PTPRE: variants seen among roughly 807,000 people sequenced by gnomAD.
The protein encoded by PTPRE is receptor-type tyrosine-protein phosphatase epsilon.
Under a neutral mutation model 102.0 loss-of-function variants are expected in PTPRE, and 51 were observed. The observed-to-expected ratio is 0.50, with a 90% CI of 0.40 to 0.63. The LOEUF (loss-of-function observed/expected upper bound fraction) is 0.63. Ranked by LOEUF, PTPRE falls within the 30% of genes least tolerant of loss-of-function variation. The probability of loss-of-function intolerance (pLI) is 0.00; values close to 1 mark genes in which losing one functional copy is unlikely to be tolerated. For missense variants in PTPRE, 752 were observed against 915.1 expected, an observed-to-expected ratio of 0.82 and a Z score of 2.30; for synonymous variants, 345 against 348.2, an observed-to-expected ratio of 0.99 and a Z score of 0.10.
At chr10:128,060,081 T>TACAC (rs59000055) in intron 7 of PTPRE, among the ~76,000 whole-genome samples, 21 of 146,082 alleles carry the variant, frequency 1.4e-4, no homozygotes, top group African/African-American at 3.8e-4. Flanking sequence ...TACCACACAC[T>TACAC]ACACACACAC....
chr10:127,911,250 T>C (rs959521276), intron 1 of PTPRE, among the ~76,000 whole-genome samples: 2 of 152,216 alleles, frequency 1.3e-5, no homozygotes, highest in Non-Finnish European at 1.5e-5. Flanking sequence ...TATGTAAATT[T>C]TGCGTGATTA....
chr10:128,026,240 T>C (rs1001568459), intron 2 of PTPRE, among the ~76,000 whole-genome samples: 6 of 152,248 alleles, frequency 3.9e-5, no homozygotes, highest in Non-Finnish European at 7.3e-5. Context: ...TCACCATCTC[T>C]GACCTCCCTG....
intron 10 of PTPRE, among the ~76,000 whole-genome samples, chr10:128,065,102 ACCCACAGC>A (rs953508186): frequency 1.3e-5 from 2 of 151,240 alleles, no homozygotes; most frequent in Non-Finnish European, 2.9e-5. Flanking sequence ...ATGGCCTGTG[ACCCACAGC>A]CCCGCAGCCC....
At chr10:127,976,107 A>T (rs1019548878) in intron 1 of PTPRE, among the ~76,000 whole-genome samples, 1 of 151,904 alleles carries the variant, frequency 6.6e-6, no homozygotes, top group African/African-American at 2.4e-5. Flanking sequence ...CAAACACTAG[A>T]TCCCCTGCCA....
intron 2 of PTPRE, among the ~76,000 whole-genome samples, chr10:128,037,696 C>A (rs1847329947): frequency 6.6e-6 from 1 of 152,230 alleles, no homozygotes. Flanking sequence ...AAATAAACTC[C>A]TTTTCTCATC....
Position 127,997,538 on chromosome 10 carries a change from T to C in PTPRE, c.-8+15242T>C, listed in dbSNP as rs1173087369. Among the ~76,000 whole-genome samples the C allele has an allele frequency of 3.9e-5, 6 of 152,346 alleles. No individual in the cohort carries two copies. In the East Asian group the frequency reaches 9.6e-4, roughly 24 times the overall value. On this transcript the variant is annotated intron_variant, in intron 2 of 20. Coordinates refer to ENST00000254667, the MANE Select transcript of PTPRE (RefSeq NM_006504.6). ...CTGAAAAGCAGAATCCTAACATTCA[T>C]GTATATTTTAAAGCCAGAGTTCACA...
intron 2 of PTPRE, among the ~76,000 whole-genome samples, chr10:128,000,936 C>T (rs186340227): frequency 1.3e-5 from 2 of 152,162 alleles, no homozygotes; most frequent in Non-Finnish European, 1.5e-5. Flanking sequence ...ACTCCAGGGC[C>T]GTGCTCTCTC....
chr10:128,082,554 T>C (rs1398742020), intron 20 of PTPRE, among the ~76,000 whole-genome samples: 1 of 151,960 alleles, frequency 6.6e-6, no homozygotes, highest in African/African-American at 2.4e-5. Flanking sequence ...AAAATAGTTG[T>C]TTTCCAGTTT....
intron 1 of PTPRE, among the ~76,000 whole-genome samples, chr10:127,977,910 G>A (rs901424542): frequency 3.9e-5 from 6 of 152,188 alleles, no homozygotes; most frequent in African/African-American, 1.2e-4. Flanking sequence ...CAGAGTGGCT[G>A]CAGCTGTGAG....
intron 1 of PTPRE, among the ~76,000 whole-genome samples, chr10:127,937,539 A>G: frequency 6.6e-6 from 1 of 151,960 alleles, no homozygotes; most frequent in Non-Finnish European, 1.5e-5. Flanking sequence ...GAAAAGGGGG[A>G]ATTTTTTTGC....
At chr10:127,916,265 T>C (rs1405614376) in intron 1 of PTPRE, among the ~76,000 whole-genome samples, 1 of 152,102 alleles carries the variant, frequency 6.6e-6, no homozygotes, top group East Asian at 1.9e-4. Context: ...ATGAGGGTGG[T>C]TTCCCCCATG....
intron 1 of PTPRE, among the ~76,000 whole-genome samples, chr10:127,953,888 C>T (rs1849216246): frequency 6.6e-6 from 1 of 152,108 alleles, no homozygotes; most frequent in Non-Finnish European, 1.5e-5. Context: ...GCCAGATGTG[C>T]AATTATATAC....
chr10:127,923,715 A>C (rs1846790936), intron 1 of PTPRE, among the ~76,000 whole-genome samples: 1 of 152,130 alleles, frequency 6.6e-6, no homozygotes, highest in Admixed American at 6.5e-5. Flanking sequence ...TTTGACAGAA[A>C]CTCTATCAAG....
At chr10:127,971,895 C>T (rs936915318) in intron 1 of PTPRE, among the ~76,000 whole-genome samples, 11 of 152,212 alleles carry the variant, frequency 7.2e-5, no homozygotes, top group African/African-American at 2.7e-4. Context: ...GATTCAGGTG[C>T]AGCATTGAAC....
chr10:128,020,340 T>C (rs900626446), intron 2 of PTPRE, among the ~76,000 whole-genome samples: 2 of 152,232 alleles, frequency 1.3e-5, no homozygotes, highest in Non-Finnish European at 2.9e-5. Flanking sequence ...TTGACTTTGA[T>C]TTGCTGATTA....
intron 19 of PTPRE, among the ~76,000 whole-genome samples, chr10:128,078,186 C>G (rs1274970086): frequency 2.0e-5 from 3 of 152,330 alleles, no homozygotes; most frequent in South Asian, 2.1e-4. Flanking sequence ...CCCGCCCTCT[C>G]CCATGGGCTG....
rs781455736 is a variant in PTPRE at position 128,079,623 on chromosome 10, C to T, written c.1956C>T (p.Ala652=). 3.5e-5 allele frequency: 57 copies of T among 1,613,970 alleles called. No homozygotes were observed. Among genetic ancestry groups the T allele is most frequent in the East Asian group, 2.5e-4 (11 of 44,884 alleles). The change falls in exon 20 of 21, where the codon GCC becomes GCT. Residue 652 remains alanine (A), a synonymous_variant. Transcript: ENST00000254667. Reference sequence around the variant, plus strand: ...GCAACATTTTGGAGCGAGTAAAAGCCGAGGGACTTTTAGATGTATTTCAAG... The same window carrying T: ...GCAACATTTTGGAGCGAGTAAAAGCTGAGGGACTTTTAGATGTATTTCAAG... The part of the protein sequence containing the change: ...ALSNILERVK[A]EGLLDVFQAV...
chr10:127,909,472 C>T (rs1845719791), intron 1 of PTPRE, among the ~76,000 whole-genome samples: 1 of 152,166 alleles, frequency 6.6e-6, no homozygotes, highest in African/African-American at 2.4e-5. Flanking sequence ...AGGTGTGTTT[C>T]TAGGCCCGGC....
At chr10:128,021,960 G>A (rs1324011956) in intron 2 of PTPRE, among the ~76,000 whole-genome samples, 1 of 152,222 alleles carries the variant, frequency 6.6e-6, no homozygotes, top group Non-Finnish European at 1.5e-5. Flanking sequence ...TGATCCTAGA[G>A]TATGCATTCA....
Sources: gnomAD v4.1 joint callset for allele counts (sites outside exome capture counted in the v4.1 genomes callset) on GRCh38, gnomAD v4.1.1 for gene constraint, MANE v1.5 for transcripts, NCBI Gene and HGNC (gene_info 2026-07-23, HGNC 2026-07-21) for gene names.